RBX1: variants seen among roughly 807,000 people sequenced by gnomAD.
RBX1 encodes the protein E3 ubiquitin-protein ligase RBX1.
For missense variants in RBX1, 46 were observed against 141.4 expected (o/e 0.33, Z 3.42); for synonymous variants, 48 against 47.9 (o/e 1.00, Z -0.01).
intron 4 of RBX1, 54 bp from the exon 5 acceptor site, chr22:40,972,422 C>G: frequency 6.7e-7 from 1 of 1,503,304 alleles, no homozygotes; most frequent in Non-Finnish European, 9.2e-7. Context: ...GGTTTTATGT[C>G]TCAAACAGGA....
intron 4 of RBX1, among the ~76,000 whole-genome samples, chr22:40,971,195 G>A (rs1203026913): frequency 6.6e-6 from 1 of 152,102 alleles, no homozygotes; most frequent in Non-Finnish European, 1.5e-5. Flanking sequence ...TCCTTATCTG[G>A]GGCTTTGACT....
intron 2 of RBX1, among the ~76,000 whole-genome samples, chr22:40,954,333 CG>C (rs1313827848): frequency 6.8e-6 from 1 of 146,066 alleles, no homozygotes; most frequent in East Asian, 2.0e-4. Flanking sequence ...AGGAAAGAAG[CG>C]TTAAGGAGTG....
intron 2 of RBX1, among the ~76,000 whole-genome samples, chr22:40,957,973 C>T (rs1284312118): frequency 6.6e-6 from 1 of 151,980 alleles, no homozygotes; most frequent in Non-Finnish European, 1.5e-5. Flanking sequence ...TACAGGTACC[C>T]GCCACCACAC....
chr22:40,966,216 A>T (rs1461309931), intron 3 of RBX1: 1 of 152,252 alleles, frequency 6.6e-6, no homozygotes, highest in Non-Finnish European at 1.5e-5. Context: ...GTCAAGTACT[A>T]TAAATTTATC....
chr22:40,967,554 A>G, intron 3 of RBX1: 1 of 387,456 alleles, frequency 2.6e-6, no homozygotes, highest in Admixed American at 3.8e-5. Flanking sequence ...CAGTGCTGGC[A>G]CATACTCCTG....
chr22:40,972,588 T>C lies in RBX1; in HGVS notation c.*100T>C, dbSNP rs946196556. 16 of 1,008,524 alleles carry C rather than the reference T, an allele frequency of 1.6e-5. No individual in the cohort carries two copies. The highest frequency in any genetic ancestry group is 9.7e-5 in the African/African-American group (6 of 62,022). The allele number at this position is 1,008,524 out of a possible 1,614,324, so 62.5% of individuals were successfully genotyped here. On this transcript the variant is annotated 3_prime_UTR_variant, in exon 5 of 5. Coordinates refer to ENST00000216225, the MANE Select transcript of RBX1 (RefSeq NM_014248.4). ...AATTGGATGGAACTGTGTTTTTTTC[T>C]GCTTTGTTTTTTCAGTTTGCTGTTT...
At chr22:40,953,072 C>T (rs2058315765) in intron 1 of RBX1, among the ~76,000 whole-genome samples, 1 of 141,282 alleles carries the variant, frequency 7.1e-6, no homozygotes, top group African/African-American at 2.5e-5. Flanking sequence ...CTCACTGCAA[C>T]CTCCGTCCCC....
intron 2 of RBX1, among the ~76,000 whole-genome samples, chr22:40,961,902 A>G (rs771321249): frequency 1.3e-4 from 20 of 151,800 alleles, no homozygotes; most frequent in Non-Finnish European, 2.8e-4. Context: ...CTCCTGCCTC[A>G]GCCTCCTGAG....
intron 3 of RBX1, chr22:40,964,405 G>A: frequency 3.3e-6 from 1 of 301,902 alleles, no homozygotes; most frequent in East Asian, 7.9e-5. Flanking sequence ...AAACCTACAT[G>A]CACCCTTTGG....
intron 3 of RBX1, chr22:40,966,948 A>G: frequency 6.6e-6 from 1 of 152,218 alleles, no homozygotes; most frequent in Non-Finnish European, 1.5e-5. Context: ...TCATGAGCCC[A>G]CGCCAAAAAA....
intron 2 of RBX1, among the ~76,000 whole-genome samples, chr22:40,961,037 T>C (rs2058338464): frequency 6.6e-6 from 1 of 151,568 alleles, no homozygotes; most frequent in African/African-American, 2.4e-5. Context: ...GTGCTGGGAT[T>C]ACAGACATGA....
Position 40,972,567 on chromosome 22 carries a change from G to A in RBX1, c.*79G>A, listed in dbSNP as rs990733071. 3.4e-6 allele frequency: 4 copies of A among 1,161,512 alleles called. No homozygotes were observed. In the Admixed American group the frequency reaches 5.5e-5, roughly 16 times the overall value. 72.0% of individuals were successfully genotyped at this position (1,161,512 alleles called of 1,614,324 possible). ...CCCTGCTGTTACCTAATTACAAATTGGATGGAACTGTGTTTTTTTCTGCTT... is the reference window on the plus strand; with the variant it reads ...CCCTGCTGTTACCTAATTACAAATTAGATGGAACTGTGTTTTTTTCTGCTT... On this transcript the variant is annotated 3_prime_UTR_variant, in exon 5 of 5. Coordinates refer to ENST00000216225, the MANE Select transcript of RBX1 (RefSeq NM_014248.4).
chr22:40,960,449 G>A (rs190396495), intron 2 of RBX1, among the ~76,000 whole-genome samples: 3 of 152,248 alleles, frequency 2.0e-5, no homozygotes, highest in Admixed American at 1.3e-4. Flanking sequence ...TCCAGGTATG[G>A]CAGGGACGAA....
In RBX1 at chr22:40,951,594, G is replaced by T. The variant is rs189560996; in HGVS notation, c.78+118G>T. The T allele has an allele frequency of 1.1e-3, 1,060 of 951,840 alleles. 11 individuals carry two copies. The highest frequency in any genetic ancestry group is 2.1e-4 in the South Asian group (13 of 62,334). 59.0% of individuals were successfully genotyped at this position (951,840 alleles called of 1,614,324 possible). A position where few individuals can be genotyped will look rare whatever the true frequency, so the allele number is the denominator to read the frequency against. ...TTCATTTCAGGGCGTTCCTGGGACC[G>T]GGTACCACGAAAGGAAGCCGGGGGG... On this transcript the variant is annotated intron_variant, in intron 1 of 4. Transcript: ENST00000216225.
intron 2 of RBX1, among the ~76,000 whole-genome samples, chr22:40,957,341 G>C (rs1170926333): frequency 7.3e-5 from 10 of 137,530 alleles, no homozygotes; most frequent in Non-Finnish European, 1.7e-5. Context: ...GCAAAACTCT[G>C]TCTCAAAAAA....
At chr22:40,972,432 AAATTATCTTGG>A in intron 4 of RBX1, 33 bp from the exon 5 acceptor site, 1 of 1,555,130 alleles carries the variant, frequency 6.4e-7, no homozygotes, top group South Asian at 1.1e-5. Flanking sequence ...CTCAAACAGG[AAATTATCTTGG>A]AATTAATCAG....
At chr22:40,952,027 G>C (rs2058312482) in intron 1 of RBX1, among the ~76,000 whole-genome samples, 1 of 152,104 alleles carries the variant, frequency 6.6e-6, no homozygotes, top group Non-Finnish European at 1.5e-5. Context: ...ACACTGCCTG[G>C]TTAGAGTCTG....
At chr22:40,958,495 G>A (rs543140854) in intron 2 of RBX1, among the ~76,000 whole-genome samples, 1 of 152,226 alleles carries the variant, frequency 6.6e-6, no homozygotes, top group South Asian at 2.1e-4. Context: ...AAGTAAATAA[G>A]AATGATTATG....
intron 2 of RBX1, among the ~76,000 whole-genome samples, chr22:40,957,345 C>A (rs1601535229): frequency 6.7e-6 from 1 of 149,864 alleles, no homozygotes. Flanking sequence ...AACTCTGTCT[C>A]AAAAAAAAAG....
Sources: allele counts gnomAD v4.1 joint callset (sites outside exome capture counted in the v4.1 genomes callset), GRCh38; gene constraint gnomAD v4.1.1; transcripts MANE v1.5; gene names NCBI Gene and HGNC (gene_info 2026-07-23, HGNC 2026-07-21).